CEP170B: variants seen among roughly 807,000 people sequenced by gnomAD.
CEP170B encodes the protein centrosomal protein 170B, also known as centrosomal protein of 170 kDa protein B.
A neutral mutation model predicts 120.6 loss-of-function variants in CEP170B; 55 were observed. That is an observed-to-expected ratio of 0.46 (90% CI 0.37 to 0.57). CEP170B has a LOEUF of 0.57. CEP170B is among the 20% of genes least tolerant of loss of function. The probability of loss-of-function intolerance (pLI) is 0.00; values close to 1 mark genes in which losing one functional copy is unlikely to be tolerated. For synonymous variants in CEP170B, 1,033 were observed against 954.5 expected (o/e 1.08, Z -1.52); for missense variants, 2,212 against 2,253.3 (o/e 0.98, Z 0.37).
chr14:104,896,200 G>A lies in CEP170B; in HGVS notation c.*1242G>A. The A allele has an allele frequency of 4.4e-6, 1 of 228,928 alleles. No homozygotes were observed. Among genetic ancestry groups the A allele is most frequent in the Non-Finnish European group, 9.0e-6 (1 of 111,706 alleles). The allele number at this position is 228,928 out of a possible 1,614,324, so 14.2% of individuals were successfully genotyped here. ...GACAGGGCCAGCTGCTGGGGGAGCGGCACTGGGGACTGGAGGCTGGAAGCG... is the reference window on the plus strand; with the variant it reads ...GACAGGGCCAGCTGCTGGGGGAGCGACACTGGGGACTGGAGGCTGGAAGCG... On this transcript the variant is annotated 3_prime_UTR_variant, in exon 19 of 19. Coordinates refer to ENST00000414716, the MANE Select transcript of CEP170B (RefSeq NM_001112726.3).
At position 104,870,400 on chromosome 14, in the gene CEP170B, T is replaced by C. The variant is rs1595307460; in HGVS notation, c.105+1845T>C. On this transcript the variant is annotated intron_variant, in intron 2 of 18. Transcript: ENST00000414716. This position sits in a 1 kb window ranked among gnomAD's most constrained non-coding sequence, Gnocchi z 4.1. ...ATAGGCCACGCCCCACATACCCCAC[T>C]GCCTCATGGGGCCGCAGCTGTATTT... 6.6e-6 allele frequency among the ~76,000 whole-genome samples: 1 copy of C among 152,210 alleles called. No individual in the cohort carries two copies. Among genetic ancestry groups the C allele is most frequent in the South Asian group, 2.1e-4 (1 of 4,832 alleles).
intron 2 of CEP170B, among the ~76,000 whole-genome samples, chr14:104,871,557 T>C (rs1895487664): frequency 6.6e-6 from 1 of 152,108 alleles, no homozygotes; most frequent in African/African-American, 2.4e-5. Flanking sequence ...ATCTTTCCAC[T>C]GGGCAGGGTG....
chr14:104,877,742 C>T (rs1284211440), intron 3 of CEP170B, 143 bp from the exon 4 acceptor site: 3 of 646,486 alleles, frequency 4.6e-6, no homozygotes, highest in Non-Finnish European at 8.4e-6. Context: ...CAGGCCATCA[C>T]TCGCCGTGGG....
At chr14:104,885,103 G>GCTCCTGCT (rs1696330427) in intron 9 of CEP170B, among the ~76,000 whole-genome samples, 1 of 150,612 alleles carries the variant, frequency 6.6e-6, no homozygotes, top group South Asian at 2.1e-4. Context: ...TCCTGCTCCG[G>GCTCCTGCT]CCCAGCCCTG....
At position 104,891,850 on chromosome 14, in the gene CEP170B, G is replaced by A. The variant is rs186110281; in HGVS notation, c.3879-1126G>A. 1.3e-5 allele frequency among the ~76,000 whole-genome samples: 2 copies of A among 152,306 alleles called. No homozygotes were observed. Among genetic ancestry groups the A allele is most frequent in the East Asian group, 3.9e-4 (2 of 5,180 alleles). On this transcript the variant is annotated intron_variant, in intron 13 of 18. Transcript: ENST00000414716. The surrounding 1 kb of genome is among the most constrained non-coding windows in gnomAD (Gnocchi z 4.3). Reference sequence around the variant, plus strand: ...CCAGTTGGTGTCACCCAGAGGTGGAGGGAGGGCTTCCATGTTTTGTCTTGA... The same window carrying A: ...CCAGTTGGTGTCACCCAGAGGTGGAAGGAGGGCTTCCATGTTTTGTCTTGA...
At chr14:104,888,447 C>T (rs545095261) in intron 12 of CEP170B, among the ~76,000 whole-genome samples, 2 of 152,348 alleles carry the variant, frequency 1.3e-5, no homozygotes, top group East Asian at 3.9e-4. Flanking sequence ...CCGCTGGTAG[C>T]TGCTCTAACA....
chr14:104,879,523 C>A (rs1031806960), intron 5 of CEP170B, among the ~76,000 whole-genome samples: 1 of 152,118 alleles, frequency 6.6e-6, no homozygotes, highest in African/African-American at 2.4e-5. Context: ...ACGACCAAGG[C>A]CCCCCGAGTT....
At chr14:104,864,965 G>A (rs908037799), upstream of CEP170B, among the ~76,000 whole-genome samples, 4 of 149,730 alleles carry the variant, frequency 2.7e-5, no homozygotes, top group African/African-American at 7.3e-5. The surrounding 1 kb of genome is among the most constrained non-coding windows in gnomAD (Gnocchi z 5.9). Context: ...GGCGAAGCGG[G>A]GGGCGCTGCC....
At chr14:104,889,501 A>T in intron 12 of CEP170B, 119 bp from the exon 13 acceptor site, 1 of 1,553,644 alleles carries the variant, frequency 6.4e-7, no homozygotes, top group South Asian at 1.2e-5. Context: ...TCTAAAACCA[A>T]TTCACTCACC....
At chr14:104,874,908 C>T (rs1429549712) in intron 2 of CEP170B, among the ~76,000 whole-genome samples, 2 of 152,240 alleles carry the variant, frequency 1.3e-5, no homozygotes, top group Non-Finnish European at 2.9e-5. Flanking sequence ...CCTGCCCTGG[C>T]ACCTCTGCAG....
chr14:104,868,532 G>A lies in CEP170B; in HGVS notation c.82G>A (p.Glu28Lys). The change falls in exon 2 of 19, where the codon GAG becomes AAG. Residue 28 changes from glutamate (E) to lysine (K), a missense_variant. This residue lies in a region of CEP170B where 46 missense variants were observed against 86.6 expected (regional missense o/e 0.53). Coordinates refer to ENST00000414716, the MANE Select transcript of CEP170B (RefSeq NM_001112726.3). This position sits in a 1 kb window ranked among gnomAD's most constrained non-coding sequence, Gnocchi z 5.9. Reference sequence around the variant, plus strand: ...TCGGGAGCTCATCTTCGTGGGGCGTGAGGAGTGTGAGCTCATGCTACAGGT... The same window carrying A: ...TCGGGAGCTCATCTTCGTGGGGCGTAAGGAGTGTGAGCTCATGCTACAGGT... ...LPRELIFVGR[E>K]ECELMLQSRS... is the part of the protein sequence containing the mutation. 6.5e-7 allele frequency: 1 copy of A among 1,549,738 alleles called. No individual in the cohort carries two copies. Among genetic ancestry groups the A allele is most frequent in the Non-Finnish European group, 8.7e-7 (1 of 1,146,908 alleles).
intron 6 of CEP170B, among the ~76,000 whole-genome samples, chr14:104,881,978 G>A (rs1896181083): frequency 6.6e-6 from 1 of 152,128 alleles, no homozygotes; most frequent in South Asian, 2.1e-4. Context: ...TGGGGGCCAT[G>A]ACGCAGAGGC....
At chr14:104,885,799 G>C (rs1265268317) in intron 10 of CEP170B, among the ~76,000 whole-genome samples, 1 of 152,196 alleles carries the variant, frequency 6.6e-6, no homozygotes, top group Non-Finnish European at 1.5e-5. Context: ...ACCTGGAACT[G>C]AGTTCTGTGA....
chr14:104,878,292 G>A, intron 4 of CEP170B, 151 bp from the exon 5 acceptor site: 1 of 754,706 alleles, frequency 1.3e-6, no homozygotes, highest in Non-Finnish European at 2.2e-6. Flanking sequence ...TGAGCACATG[G>A]GTGGGCATGG....
chr14:104,884,997 AT>A (rs1374865778), intron 9 of CEP170B, among the ~76,000 whole-genome samples: 2 of 86,792 alleles, frequency 2.3e-5, no homozygotes, highest in South Asian at 4.4e-4. Flanking sequence ...CTCGTGGGGA[AT>A]CGGGGGTGGA....
chr14:104,893,092 A>G lies in CEP170B; in HGVS notation c.3995A>G (p.Asn1332Ser). 6.2e-7 allele frequency: 1 copy of G among 1,608,380 alleles called. No individual in the cohort carries two copies. The highest frequency in any genetic ancestry group is 8.5e-7 in the Non-Finnish European group (1 of 1,178,688). ...SEPAHSASLSNMPSTPASTIS... is the reference protein window; with the variant it reads ...SEPAHSASLSSMPSTPASTIS... ...CCTGCCCACAGCGCCTCCCTCAGCA[A>G]CATGCCCAGCACCCCCGCCTCGACC... The change falls in exon 14 of 19, where the codon AAC becomes AGC. Residue 1332 changes from asparagine (N) to serine (S), a missense_variant. Asn to Ser is a conservative substitution (Grantham distance 46). Around this residue, in one of 2 missense-constraint regions of CEP170B, gnomAD observed 2,166 missense variants for 2,166.7 expected, o/e 1.00. Transcript: ENST00000414716.
In CEP170B at chr14:104,893,180, G is replaced by A. The variant is rs374546207; in HGVS notation, c.4038+45G>A. ...AGGCCCCTGTGCCAGAGCCACCCTC[G>A]AGGAGGGTCAGGCCAGGTCCCCACA... On this transcript the variant is annotated intron_variant, in intron 14 of 18. Coordinates refer to ENST00000414716, the MANE Select transcript of CEP170B (RefSeq NM_001112726.3). 481 of 1,579,544 alleles carry A rather than the reference G, an allele frequency of 3.0e-4. 1 individual carries two copies. In the East Asian group the frequency reaches 4.1e-3, roughly 14 times the overall value.
At chr14:104,866,825 G>T (rs893059305) in intron 1 of CEP170B, among the ~76,000 whole-genome samples, 1 of 152,152 alleles carries the variant, frequency 6.6e-6, no homozygotes, top group African/African-American at 2.4e-5. Context: ...CCTCTGCCTG[G>T]CACCCTCATG....
At chr14:104,893,887 C>T (rs1896969499) in intron 16 of CEP170B, 38 bp downstream of exon 16, 30 of 1,564,610 alleles carry the variant, frequency 1.9e-5, no homozygotes, top group Non-Finnish European at 2.6e-5. Context: ...CGCCCAGACA[C>T]CAGCACAGCT....
Sources: allele counts gnomAD v4.1 joint callset (sites outside exome capture counted in the v4.1 genomes callset), GRCh38; gene constraint gnomAD v4.1.1; regional missense constraint gnomAD v4.1.1; non-coding constraint Gnocchi (gnomAD v3.1); transcripts MANE v1.5; gene names NCBI Gene and HGNC (gene_info 2026-07-23, HGNC 2026-07-21).